ANO2: variants seen among roughly 807,000 people sequenced by gnomAD.
The protein encoded by ANO2 is anoctamin-2.
ANO2 carries 101 observed loss-of-function variants against 124.2 expected under a neutral mutation model. The ratio of observed to expected loss-of-function variants is 0.81; its 90% confidence interval spans 0.69 to 0.96. ANO2 has a LOEUF of 0.96. Among genes scored for constraint, ANO2 ranks in the 40% least tolerant of loss-of-function variants. The probability of loss-of-function intolerance (pLI) is 0.00; values close to 1 mark genes in which losing one functional copy is unlikely to be tolerated. For synonymous variants in ANO2, 486 were observed against 482.5 expected (o/e 1.01, Z -0.09); for missense variants, 1,293 against 1,274.5 (o/e 1.01, Z -0.22).
chr12:5,945,946 A>G (rs1455559626), upstream of ANO2, among the ~76,000 whole-genome samples: 1 of 152,212 alleles, frequency 6.6e-6, no homozygotes. Context: ...CTCCATCCCC[A>G]GAGGGGAAGA....
chr12:5,926,442 CT>C (rs1324187712), intron 1 of ANO2, among the ~76,000 whole-genome samples: 1 of 152,134 alleles, frequency 6.6e-6, no homozygotes, highest in Non-Finnish European at 1.5e-5. Context: ...CGGGCTGGGA[CT>C]CTGCATTCTG....
intron 14 of ANO2, among the ~76,000 whole-genome samples, chr12:5,685,274 G>C (rs1380316977): frequency 6.6e-6 from 1 of 152,204 alleles, no homozygotes; most frequent in Non-Finnish European, 1.5e-5. Context: ...CAGAGGACTG[G>C]GGAAGAGTGC....
intron 16 of ANO2, among the ~76,000 whole-genome samples, chr12:5,619,801 T>C (rs927672845): frequency 6.6e-6 from 1 of 152,256 alleles, no homozygotes; most frequent in Non-Finnish European, 1.5e-5. Flanking sequence ...ACATTTCTCC[T>C]GAATGTGCTC....
chr12:5,751,872 TCTC>T (rs1211218110), intron 10 of ANO2, among the ~76,000 whole-genome samples: 4 of 151,770 alleles, frequency 2.6e-5, no homozygotes, highest in Non-Finnish European at 5.9e-5. Context: ...TTGACCAATA[TCTC>T]CTCATTTTCC....
At chr12:5,576,902 TTGTTATA>T (rs1445157481) in intron 22 of ANO2, among the ~76,000 whole-genome samples, 1 of 152,232 alleles carries the variant, frequency 6.6e-6, no homozygotes, top group East Asian at 1.9e-4. Context: ...TACTGGGCAC[TTGTTATA>T]TGTCCTTTCA....
intron 3 of ANO2, among the ~76,000 whole-genome samples, chr12:5,861,669 C>T (rs1279473210): frequency 1.3e-5 from 2 of 152,138 alleles, no homozygotes; most frequent in African/African-American, 2.4e-5. Context: ...TGCAGCACAT[C>T]GGCGCCCGGG....
chr12:5,886,088 C>A (rs74782951), intron 3 of ANO2, among the ~76,000 whole-genome samples: 3,934 of 152,272 alleles, frequency 0.026, 149 homozygotes, highest in African/African-American at 0.089. Context: ...TGAACAGACC[C>A]TTCCCAGCCC....
intron 14 of ANO2, among the ~76,000 whole-genome samples, chr12:5,681,045 T>C (rs1948467144): frequency 6.6e-6 from 1 of 152,164 alleles, no homozygotes; most frequent in Non-Finnish European, 1.5e-5. Flanking sequence ...GCCCTGGTAA[T>C]AGCAGTGTCC....
intron 3 of ANO2, among the ~76,000 whole-genome samples, chr12:5,873,196 G>GCTCGCTCGCT (rs1393522452): frequency 3.4e-5 from 4 of 118,934 alleles, no homozygotes; most frequent in Non-Finnish European, 5.2e-5. Flanking sequence ...GCCTAAAGCA[G>GCTCGCTCGCT]CTCTCTCTCT....
At chr12:5,797,291 G>T (rs16933910) in intron 10 of ANO2, among the ~76,000 whole-genome samples, 1 of 152,144 alleles carries the variant, frequency 6.6e-6, no homozygotes, top group African/African-American at 2.4e-5. Flanking sequence ...GAGAGAAATG[G>T]TGCTGAAGAA....
rs1029529928 is a variant in ANO2 at position 5,862,459 on chromosome 12, T to A, written c.535-8318A>T. Among the ~76,000 whole-genome samples, 3 of 152,156 alleles carry A rather than the reference T, an allele frequency of 2.0e-5. No homozygotes were observed. Among genetic ancestry groups the A allele is most frequent in the African/African-American group, 7.2e-5 (3 of 41,424 alleles). On this transcript the variant is annotated intron_variant, in intron 3 of 24. Coordinates refer to ENST00000682330, the MANE Select transcript of ANO2 (RefSeq NM_001364791.2). The surrounding 1 kb of genome is among the most constrained non-coding windows in gnomAD (Gnocchi z 4.0). ...CTGGACAGACACGCAGAACGGGTGATCTCTGGACCTATCACCACAGTCTCC... is the reference window on the plus strand; with the variant it reads ...CTGGACAGACACGCAGAACGGGTGAACTCTGGACCTATCACCACAGTCTCC...
chr12:5,896,255 C>A (rs552766658), intron 3 of ANO2, among the ~76,000 whole-genome samples: 270 of 151,910 alleles, frequency 1.8e-3, no homozygotes, highest in African/African-American at 6.3e-3. Context: ...CCTGTACCAC[C>A]AAAACTATTG....
intron 3 of ANO2, among the ~76,000 whole-genome samples, chr12:5,867,049 A>T (rs1955445359): frequency 6.6e-6 from 1 of 152,234 alleles, no homozygotes. Flanking sequence ...CATGTGGCAC[A>T]GATCCAGGCT....
intron 4 of ANO2, among the ~76,000 whole-genome samples, chr12:5,838,472 T>C (rs959787487): frequency 2.0e-5 from 3 of 152,164 alleles, no homozygotes; most frequent in Non-Finnish European, 4.4e-5. Context: ...AGCAGGTTCA[T>C]ATCCACAATA....
chr12:5,855,244 T>A (rs1955062203), intron 3 of ANO2, among the ~76,000 whole-genome samples: 1 of 152,220 alleles, frequency 6.6e-6, no homozygotes, highest in Admixed American at 6.5e-5. Context: ...TCTGACTGTC[T>A]GCATTTTCAG....
intron 14 of ANO2, among the ~76,000 whole-genome samples, chr12:5,722,366 G>A (rs908047075): frequency 1.3e-5 from 2 of 152,174 alleles, no homozygotes; most frequent in East Asian, 3.9e-4. Flanking sequence ...AATTAGCCGG[G>A]CGCAGTGGCG....
At chr12:5,668,980 G>A (rs1460273019) in intron 14 of ANO2, among the ~76,000 whole-genome samples, 1 of 151,934 alleles carries the variant, frequency 6.6e-6, no homozygotes, top group Admixed American at 6.6e-5. Flanking sequence ...TGGGTAGCGT[G>A]ATGCCTCCAG....
At chr12:5,882,708 C>T (rs1425212955) in intron 3 of ANO2, among the ~76,000 whole-genome samples, 2 of 152,212 alleles carry the variant, frequency 1.3e-5, no homozygotes, top group African/African-American at 4.8e-5. Context: ...GAATGGAGAA[C>T]AGGACACAGC....
chr12:5,797,248 G>A (rs1952890294), intron 10 of ANO2, among the ~76,000 whole-genome samples: 1 of 152,218 alleles, frequency 6.6e-6, no homozygotes, highest in African/African-American at 2.4e-5. Flanking sequence ...CCCGACAGGA[G>A]GTGGGAGGAA....
Sources: gnomAD v4.1 joint callset for allele counts (sites outside exome capture counted in the v4.1 genomes callset) on GRCh38, gnomAD v4.1.1 for gene constraint, Gnocchi (gnomAD v3.1) non-coding constraint, MANE v1.5 for transcripts, NCBI Gene and HGNC (gene_info 2026-07-23, HGNC 2026-07-21) for gene names.